The following RBPJ variants were observed in gnomAD, a reference collection of about 807,000 sequenced individuals.
RBPJ encodes the protein recombination signal binding protein for immunoglobulin kappa J region.
RBPJ carries 9 observed loss-of-function variants against 67.8 expected under a neutral mutation model. The ratio of observed to expected loss-of-function variants is 0.13; its 90% CI spans 0.08 to 0.23. RBPJ has a LOEUF of 0.23. Among genes scored for constraint, RBPJ ranks in the 10% least tolerant of loss-of-function variants. RBPJ has a pLI of 1.00. For missense variants in RBPJ, 305 were observed against 595.6 expected, an observed-to-expected ratio of 0.51 and a Z score of 5.08; for synonymous variants, 198 against 203.3, an observed-to-expected ratio of 0.97 and a Z score of 0.22.
At chr4:26,161,390 CAT>C (rs1716075376), upstream of RBPJ, among the ~76,000 whole-genome samples, 1 of 152,170 alleles carries the variant, frequency 6.6e-6, no homozygotes, top group African/African-American at 2.4e-5. Context: ...AGCAAACTGA[CAT>C]AGTGATTTAA....
the RBPJ span, among the ~76,000 whole-genome samples, chr4:26,106,604 T>C: frequency 1.3e-5 from 2 of 152,168 alleles, no homozygotes; most frequent in Non-Finnish European, 2.9e-5. Flanking sequence ...GCTTTCAAAT[T>C]TTGTGAGTAG....
chr4:26,270,439 A>AG (rs1720877749), intron 1 of RBPJ, among the ~76,000 whole-genome samples: 3 of 100,342 alleles, frequency 3.0e-5, no homozygotes, highest in East Asian at 2.5e-4. Flanking sequence ...GAAAGAAAGA[A>AG]GAAAGAAAGA....
intron 1 of RBPJ, among the ~76,000 whole-genome samples, chr4:26,330,331 T>C (rs532655266): frequency 2.6e-4 from 40 of 152,320 alleles, no homozygotes; most frequent in Non-Finnish European, 5.0e-4. Flanking sequence ...CAGAATGTTA[T>C]TTGCTGGATG....
At chr4:26,343,351 C>T (rs1351890926) in intron 1 of RBPJ, 1 of 152,102 alleles carries the variant, frequency 6.6e-6, no homozygotes, top group African/African-American at 2.4e-5. Context: ...GACGTGGTTT[C>T]TGTCATCAAA....
chr4:26,287,553 G>A (rs771341601), intron 1 of RBPJ, among the ~76,000 whole-genome samples: 2 of 33,848 alleles, frequency 5.9e-5, no homozygotes, highest in Non-Finnish European at 5.1e-5. Flanking sequence ...ACCTTGCCTC[G>A]GAAAGGAAAG....
At chr4:26,395,471 G>T (rs566221908) in intron 2 of RBPJ, among the ~76,000 whole-genome samples, 64 of 152,118 alleles carry the variant, frequency 4.2e-4, no homozygotes, top group South Asian at 2.1e-3. Context: ...GAAGAAATGA[G>T]CTTTATATCT....
intron 2 of RBPJ, among the ~76,000 whole-genome samples, chr4:26,397,521 C>T (rs1732256341): frequency 6.6e-6 from 1 of 152,162 alleles, no homozygotes; most frequent in Admixed American, 6.5e-5. Flanking sequence ...TAAAAATTGT[C>T]TGCAGGGATC....
Position 26,321,019 on chromosome 4 carries a change from T to G in RBPJ, c.-10T>G, listed in dbSNP as rs1452190194. The stretch of plus-strand genomic sequence containing the variant: ...GCGAGGGTTGGAGTTTTGGCGAGAG[T>G]TTGTGGAAGATGGCGCCTGTTGTGA... On this transcript the variant is annotated 5_prime_UTR_variant, in exon 1 of 11. Coordinates refer to ENST00000355476, the MANE Select transcript of RBPJ (RefSeq NM_015874.6). 6.2e-7 allele frequency: 1 copy of G among 1,611,894 alleles called. No homozygotes were observed. Among genetic ancestry groups the G allele is most frequent in the Non-Finnish European group, 8.5e-7 (1 of 1,179,304 alleles).
intron 1 of RBPJ, among the ~76,000 whole-genome samples, chr4:26,380,062 G>A (rs1360276136): frequency 1.3e-5 from 2 of 152,146 alleles, no homozygotes; most frequent in Admixed American, 6.5e-5. Flanking sequence ...ACTAGAAATT[G>A]AAATAGGACA....
chr4:26,392,181 C>T (rs1483944187), intron 2 of RBPJ, among the ~76,000 whole-genome samples: 1 of 152,202 alleles, frequency 6.6e-6, no homozygotes, highest in Non-Finnish European at 1.5e-5. Flanking sequence ...TTAAAGGACT[C>T]ATCATGGGAA....
chr4:26,433,905 AGTG>A lies in RBPJ; in HGVS notation c.*2899_*2901del. On this transcript the variant is annotated 3_prime_UTR_variant, in exon 11 of 11. Coordinates refer to ENST00000355476, the MANE Select transcript of RBPJ (RefSeq NM_015874.6). ...GAAAGACTCTCTTATTAGAATGGTG[AGTG>A]CTTCAGTTATAGTATGTTTGAATTT... The A allele has an allele frequency of 6.6e-6, 1 of 152,208 alleles. No homozygotes were observed. Among genetic ancestry groups the A allele is most frequent in the East Asian group, 1.9e-4 (1 of 5,194 alleles). 9.4% of individuals were successfully genotyped at this position (152,208 alleles called of 1,614,324 possible).
intron 2 of RBPJ, among the ~76,000 whole-genome samples, chr4:26,387,510 G>T (rs189652798): frequency 6.6e-6 from 1 of 152,228 alleles, no homozygotes; most frequent in Non-Finnish European, 1.5e-5. Flanking sequence ...CAAAAACCTG[G>T]ACAAAATATG....
At chr4:26,388,422 A>G (rs999295829) in intron 2 of RBPJ, among the ~76,000 whole-genome samples, 1 of 152,180 alleles carries the variant, frequency 6.6e-6, no homozygotes, top group African/African-American at 2.4e-5. Context: ...CCATCATACT[A>G]CTCACTTCTG....
chr4:26,335,338 C>T (rs760491885), intron 1 of RBPJ, among the ~76,000 whole-genome samples: 9 of 151,790 alleles, frequency 5.9e-5, no homozygotes, highest in African/African-American at 1.2e-4. Context: ...TGTACCACCA[C>T]GCCCGGCTGA....
chr4:26,277,114 T>TAAA (rs34364319), intron 1 of RBPJ, among the ~76,000 whole-genome samples: 2 of 137,140 alleles, frequency 1.5e-5, no homozygotes, highest in Non-Finnish European at 1.6e-5. Flanking sequence ...ACCCCATTTC[T>TAAA]AAAAAAAAAA....
chr4:26,361,382 G>C (rs1381910229), intron 1 of RBPJ, among the ~76,000 whole-genome samples: 1 of 152,124 alleles, frequency 6.6e-6, no homozygotes, highest in Non-Finnish European at 1.5e-5. Context: ...TTTTCTGACA[G>C]TGGATTGAAA....
chr4:26,112,050 A>G, the RBPJ span: 2 of 154,570 alleles, frequency 1.3e-5, no homozygotes, highest in African/African-American at 4.8e-5. Context: ...AGATAGAGCA[A>G]GGGGCTCCGG....
rs112750749 is a variant in RBPJ, at chr4:26,209,796, C to G, written c.-167+46182C>G. ...CTCTCCCCCCTTCCTTCCTCCTTCC[C>G]TCTCTCCCTCCCTTCCTCCTTCCCT... On this transcript the variant is annotated intron_variant, in intron 1 of 4. Transcript: ENST00000512351. 1.5e-3 allele frequency among the ~76,000 whole-genome samples: 35 copies of G among 23,040 alleles called. 1 individual carries two copies. Among genetic ancestry groups the G allele is most frequent in the African/African-American group, 2.6e-3 (18 of 6,856 alleles). The allele number at this position is 23,040 out of a possible 152,430, so 15.1% of individuals were successfully genotyped here.
At chr4:26,262,551 T>A (rs1363309381) in intron 1 of RBPJ, among the ~76,000 whole-genome samples, 1 of 152,198 alleles carries the variant, frequency 6.6e-6, no homozygotes, top group Admixed American at 6.5e-5. Flanking sequence ...TACTCCCACA[T>A]CTTCTTTGAA....
Sources: allele counts gnomAD v4.1 joint callset (sites outside exome capture counted in the v4.1 genomes callset), GRCh38; gene constraint gnomAD v4.1.1; transcripts MANE v1.5; gene names NCBI Gene and HGNC (gene_info 2026-07-23, HGNC 2026-07-21).